Variants in CDCA2 observed in about 807,000 individuals in gnomAD.
CDCA2 encodes cell division cycle associated 2.
A neutral mutation model predicts 67.0 loss-of-function variants in CDCA2; 44 were observed. The ratio of observed to expected loss-of-function variants is 0.66; its 90% CI spans 0.52 to 0.84. The LOEUF (loss-of-function observed/expected upper bound fraction) is 0.84, where lower values mean the gene tolerates loss of function less well. Among genes scored for constraint, CDCA2 ranks in the 40% least tolerant of loss-of-function variants. The probability of loss-of-function intolerance (pLI) is 0.00; values close to 1 mark genes in which losing one functional copy is unlikely to be tolerated. For missense variants in CDCA2, 1,253 were observed against 1,203.2 expected, an observed-to-expected ratio of 1.04 and a Z score of -0.61; for synonymous variants, 447 against 418.7, an observed-to-expected ratio of 1.07 and a Z score of -0.82.
At position 25,475,416 on chromosome 8, in the gene CDCA2, G is replaced by A. The variant is rs577664122; in HGVS notation, c.821-4497G>A. On this transcript the variant is annotated intron_variant, in intron 7 of 14. Coordinates refer to ENST00000330560, the MANE Select transcript of CDCA2 (RefSeq NM_152562.4). Reference sequence around the variant, plus strand: ...TGCCTGTAATCCCAGCTACTCAGGAGGCTGAGGCAGGAGAATTGCTTGAAC... The same window carrying A: ...TGCCTGTAATCCCAGCTACTCAGGAAGCTGAGGCAGGAGAATTGCTTGAAC... 2.7e-3 allele frequency among the ~76,000 whole-genome samples: 406 copies of A among 152,282 alleles called. 3 individuals carry two copies. The highest frequency in any genetic ancestry group is 3.1e-3 in the Non-Finnish European group (212 of 68,026).
intron 11 of CDCA2, 42 bp downstream of exon 11, chr8:25,485,879 A>C: frequency 1.9e-6 from 2 of 1,073,546 alleles, no homozygotes. Context: ...GTCATTTTTT[A>C]TATGTGTATA....
At chr8:25,486,738 C>T (rs760675041) in intron 11 of CDCA2, among the ~76,000 whole-genome samples, 2 of 151,852 alleles carry the variant, frequency 1.3e-5, no homozygotes, top group Non-Finnish European at 2.9e-5. Flanking sequence ...TCACTTGAAC[C>T]GGGGAGACGG....
At position 25,487,359 on chromosome 8, in the gene CDCA2, G is replaced by A. The variant is rs773533217; in HGVS notation, c.1533+25G>A. ...TGTAAGTGTTTGTGTTTGGCACAAC[G>A]TATTTGTTTTTAAATCGTGCAATAT... is the stretch of plus-strand genomic sequence containing the variant. On this transcript the variant is annotated intron_variant, in intron 12 of 14. Coordinates refer to ENST00000330560, the MANE Select transcript of CDCA2 (RefSeq NM_152562.4). 1.7e-5 allele frequency: 24 copies of A among 1,454,524 alleles called. No homozygotes were observed. In the East Asian group the frequency reaches 1.8e-4, roughly 11 times the overall value. The allele number at this position is 1,454,524 out of a possible 1,614,324, so 90.1% of individuals were successfully genotyped here. A position where few individuals can be genotyped will look rare whatever the true frequency, so the allele number is the denominator to read the frequency against.
At chr8:25,461,717 A>G (rs1377742362) in intron 3 of CDCA2, among the ~76,000 whole-genome samples, 2 of 152,212 alleles carry the variant, frequency 1.3e-5, no homozygotes, top group Non-Finnish European at 2.9e-5. Context: ...CTTATTTAGA[A>G]AAAGAAAAAT....
intron 10 of CDCA2, among the ~76,000 whole-genome samples, chr8:25,485,393 C>T (rs1803733083): frequency 6.6e-6 from 1 of 151,960 alleles, no homozygotes; most frequent in African/African-American, 2.4e-5. Flanking sequence ...CCATCTTACT[C>T]TGGAGTTCCC....
chr8:25,461,490 G>A (rs199719335), intron 3 of CDCA2, among the ~76,000 whole-genome samples: 100 of 152,264 alleles, frequency 6.6e-4, no homozygotes, highest in African/African-American at 2.1e-3. Flanking sequence ...AAGACAAGGC[G>A]AAAGTGGCAC....
upstream of CDCA2, chr8:25,459,170 T>A (rs987283315): frequency 4.0e-5 from 6 of 150,704 alleles, no homozygotes; most frequent in African/African-American, 1.5e-4. Context: ...ATTCGTAGAG[T>A]AAATTCGGTA....
rs1488801094 is a variant in CDCA2 at position 25,507,302 on chromosome 8, A to T, written c.2636A>T (p.Gln879Leu). ...LFKDLSDAIEQTFQRRNSETK... is the reference protein window; with the variant it reads ...LFKDLSDAIELTFQRRNSETK... ...AAAGATTTGTCTGATGCCATTGAGC[A>T]AACCTTTCAGAGGAGAAATAGTGAA... The change falls in exon 15 of 15, where the codon CAA becomes CTA. Residue 879 changes from glutamine to leucine, a missense_variant. Gln to Leu is a moderately radical substitution (Grantham distance 113). Coordinates refer to ENST00000330560, the MANE Select transcript of CDCA2 (RefSeq NM_152562.4). The T allele has an allele frequency of 1.2e-6, 2 of 1,614,088 alleles. No individual in the cohort carries two copies. Among genetic ancestry groups the T allele is most frequent in the Admixed American group, 3.3e-5 (2 of 60,010 alleles).
At chr8:25,459,663 T>A (rs923548794) in intron 1 of CDCA2, among the ~76,000 whole-genome samples, 190 bp downstream of exon 1, 1 of 152,244 alleles carries the variant, frequency 6.6e-6, no homozygotes, top group African/African-American at 2.4e-5. Flanking sequence ...GGTACCCTTA[T>A]GATTCAGGTT....
intron 4 of CDCA2, among the ~76,000 whole-genome samples, chr8:25,465,056 C>G (rs1802846195): frequency 6.6e-6 from 1 of 152,146 alleles, no homozygotes; most frequent in Admixed American, 6.6e-5. Flanking sequence ...CCATTGCAAC[C>G]TCTACCTCCC....
In CDCA2 at chr8:25,506,621, A is replaced by G. The variant is rs1563288210; in HGVS notation, c.1955A>G (p.Asp652Gly). Residue 652 changes from aspartate to glycine, a missense_variant, in exon 15 of 15, where the codon GAT becomes GGT. By Grantham distance (94) the Asp-to-Gly change is moderately conservative. Transcript: ENST00000330560. The part of the protein sequence containing the change: ...DPDLHMHQGY[D>G]KYDVSEFCSY... The stretch of plus-strand genomic sequence containing the variant: ...GATTTGCATATGCATCAAGGCTATG[A>G]TAAATATGATGTCTCTGAATTCTGC... The G allele has an allele frequency of 6.2e-7, 1 of 1,613,318 alleles. No homozygotes were observed. Among genetic ancestry groups the G allele is most frequent in the Non-Finnish European group, 8.5e-7 (1 of 1,179,872 alleles).
At position 25,506,705 on chromosome 8, in the gene CDCA2, CA is replaced by C. The variant is rs1350526268; in HGVS notation, c.2042del (p.Asn681IlefsTer2). 3 of 1,611,058 alleles carry C rather than the reference CA, an allele frequency of 1.9e-6. No homozygotes were observed. In the African/African-American group the frequency reaches 4.0e-5, roughly 22 times the overall value. ...GCTACTTCTGATGAAGATCCAAATA[CA>C]AATATAATGAACATTAATGAAAATA... The part of the protein sequence containing the change: ...GNATSDEDPN[T>X]NIMNINENKN... On this transcript the variant is annotated frameshift_variant, in exon 15 of 15. Transcript: ENST00000330560. LOFTEE classifies it low-confidence loss of function (END_TRUNC).
rs1243895834 is a variant in CDCA2, at chr8:25,459,370, G to A, written c.-104G>A. On this transcript the variant is annotated 5_prime_UTR_variant, in exon 1 of 15. Transcript: ENST00000330560. Reference sequence around the variant, plus strand: ...TTTGCCAGGAGAGCCCTTCCGGACAGAGGAGCCGGGGTCTGGAAGGAGCGG... The same window carrying A: ...TTTGCCAGGAGAGCCCTTCCGGACAAAGGAGCCGGGGTCTGGAAGGAGCGG... 1 of 152,294 alleles carries A rather than the reference G, an allele frequency of 6.6e-6. No individual in the cohort carries two copies. The highest frequency in any genetic ancestry group is 1.5e-5 in the Non-Finnish European group (1 of 68,114). The allele number at this position is 152,294 out of a possible 1,614,324, so 9.4% of individuals were successfully genotyped here. A position where few individuals can be genotyped will look rare whatever the true frequency, so the allele number is the denominator to read the frequency against.
Position 25,476,569 on chromosome 8 carries a change from T to C in CDCA2, c.821-3344T>C, listed in dbSNP as rs537889504. On this transcript the variant is annotated intron_variant, in intron 7 of 14. Transcript: ENST00000330560. ...AGCCTCTTTTTTTTCTTTTTTTTTT[T>C]TGAGATGGAGTCTCACTCTGCCGCC... Among the ~76,000 whole-genome samples the C allele has an allele frequency of 2.6e-5, 4 of 152,024 alleles. No individual in the cohort carries two copies. In the East Asian group the frequency reaches 7.7e-4, roughly 29 times the overall value.
chr8:25,470,162 A>G (rs191845338), intron 7 of CDCA2, among the ~76,000 whole-genome samples, 182 bp downstream of exon 7: 84 of 152,324 alleles, frequency 5.5e-4, no homozygotes, highest in Middle Eastern at 3.4e-3. Context: ...TTAAGCTACG[A>G]TCAATAAGAA....
intron 13 of CDCA2, among the ~76,000 whole-genome samples, chr8:25,497,679 A>C (rs1228230317): frequency 6.6e-6 from 1 of 152,094 alleles, no homozygotes; most frequent in Admixed American, 6.6e-5. Context: ...ATAATAATGT[A>C]TATGGGAAAA....
intron 13 of CDCA2, among the ~76,000 whole-genome samples, chr8:25,502,828 A>AT (rs1804529177): frequency 6.6e-6 from 1 of 152,182 alleles, no homozygotes. Context: ...GAAAGCTACC[A>AT]TACAATTTAT....
At chr8:25,462,248 T>G in intron 4 of CDCA2, 40 bp downstream of exon 4, 2 of 1,598,682 alleles carry the variant, frequency 1.3e-6, no homozygotes, top group Non-Finnish European at 1.7e-6. Context: ...ATTCCGTTAA[T>G]GAAGCTTTTG....
intron 13 of CDCA2, among the ~76,000 whole-genome samples, chr8:25,489,499 A>C (rs181084070): frequency 6.6e-6 from 1 of 152,104 alleles, no homozygotes; most frequent in African/African-American, 2.4e-5. Context: ...CAAAATTTCC[A>C]GTCTGACTGA....
Sources: gnomAD v4.1 joint callset for allele counts (sites outside exome capture counted in the v4.1 genomes callset) on GRCh38, gnomAD v4.1.1 for gene constraint, MANE v1.5 for transcripts, NCBI Gene and HGNC (gene_info 2026-07-23, HGNC 2026-07-21) for gene names.